The following EPM2A variants were observed in gnomAD, a reference collection of about 807,000 sequenced individuals.
EPM2A encodes the protein laforin.
Under a neutral mutation model 26.5 loss-of-function variants are expected in EPM2A, and 21 were observed. The ratio of observed to expected loss-of-function variants is 0.79; its 90% CI spans 0.56 to 1.14. EPM2A has a LOEUF of 1.14. EPM2A is among the 50% of genes most tolerant of loss of function. The pLI is 0.00. For synonymous variants in EPM2A, 217 were observed against 177.6 expected, an observed-to-expected ratio of 1.22 and a Z score of -1.76; for missense variants, 458 against 440.8, an observed-to-expected ratio of 1.04 and a Z score of -0.35.
At chr6:145,527,158 T>A (rs1318685593) in intron 2 of EPM2A, among the ~76,000 whole-genome samples, 14 of 152,134 alleles carry the variant, frequency 9.2e-5, no homozygotes, top group Admixed American at 9.2e-4. Context: ...ATATTTGGTA[T>A]CATTTTGATT....
chr6:145,584,616 G>A (rs1204115811), intron 2 of EPM2A, among the ~76,000 whole-genome samples: 2 of 152,110 alleles, frequency 1.3e-5, no homozygotes, highest in African/African-American at 4.8e-5. Flanking sequence ...AGTGTCCCTG[G>A]GGGTCATGGG....
intron 4 of EPM2A, among the ~76,000 whole-genome samples, chr6:145,461,542 C>A (rs1004975807): frequency 3.3e-5 from 5 of 152,052 alleles, no homozygotes; most frequent in African/African-American, 1.2e-4. Context: ...GACTAAGCAA[C>A]AACCAGAAAA....
At chr6:145,689,832 C>G (rs1047924985) in intron 1 of EPM2A, among the ~76,000 whole-genome samples, 1 of 152,204 alleles carries the variant, frequency 6.6e-6, no homozygotes, top group Non-Finnish European at 1.5e-5. Context: ...CTGAAACTTT[C>G]AGCATCATCG....
At chr6:145,610,822 T>G (rs1012821904) in intron 2 of EPM2A, among the ~76,000 whole-genome samples, 2 of 152,206 alleles carry the variant, frequency 1.3e-5, no homozygotes, top group Non-Finnish European at 2.9e-5. Flanking sequence ...CACTTTACTT[T>G]TGATGATCAG....
At chr6:145,541,862 G>C (rs906657789) in intron 2 of EPM2A, among the ~76,000 whole-genome samples, 4 of 152,032 alleles carry the variant, frequency 2.6e-5, no homozygotes, top group African/African-American at 9.7e-5. Context: ...GAAAGGCACA[G>C]AAAATTATAT....
chr6:145,550,022 A>T (rs963485675), intron 2 of EPM2A, among the ~76,000 whole-genome samples: 23 of 152,144 alleles, frequency 1.5e-4, no homozygotes, highest in African/African-American at 5.5e-4. Context: ...GTCCAGTAGA[A>T]CCGAAAGTTC....
intron 4 of EPM2A, among the ~76,000 whole-genome samples, chr6:145,484,689 C>T (rs981458534): frequency 5.3e-5 from 8 of 151,858 alleles, no homozygotes; most frequent in South Asian, 2.1e-4. Context: ...AACAAATATG[C>T]GAAAACAAAA....
rs561526036 is a variant in EPM2A at position 145,391,109 on chromosome 6, A to G, written c.556-7012T>C. On this transcript the variant is annotated intron_variant, in intron 4 of 4. Coordinates refer to the EPM2A transcript ENST00000638717. ...CCTCTTTCAGCAAAGGGGACCCCAGAGAAACCTTAAAAACTGAGTGCCCAG... is the reference window on the plus strand; with the variant it reads ...CCTCTTTCAGCAAAGGGGACCCCAGGGAAACCTTAAAAACTGAGTGCCCAG... Among the ~76,000 whole-genome samples the G allele has an allele frequency of 2.0e-5, 3 of 152,320 alleles. No homozygotes were observed. The East Asian group carries it at 5.8e-4, about 29-fold the overall frequency.
intron 4 of EPM2A, among the ~76,000 whole-genome samples, chr6:145,441,511 T>C (rs2114700870): frequency 6.6e-6 from 1 of 152,312 alleles, no homozygotes; most frequent in South Asian, 2.1e-4. Flanking sequence ...GAGTTTTTCT[T>C]TCCTATTGCA....
Position 145,462,459 on chromosome 6 carries a change from T to A in EPM2A, c.555+40063A>T, listed in dbSNP as rs79281062. On this transcript the variant is annotated intron_variant, in intron 4 of 4. Coordinates refer to the EPM2A transcript ENST00000638717. ...ACAGGGAATATCCTTTCATCAATTC[T>A]CAAAAGATTAGGTATTTCTAGCTTA... Among the ~76,000 whole-genome samples, 1,017 of 152,324 alleles carry A rather than the reference T, an allele frequency of 6.7e-3. 4 individuals carry two copies. Among genetic ancestry groups the A allele is most frequent in the Middle Eastern group, 0.017 (5 of 294 alleles).
At chr6:145,683,859 G>A (rs1780728959) in intron 2 of EPM2A, among the ~76,000 whole-genome samples, 1 of 152,036 alleles carries the variant, frequency 6.6e-6, no homozygotes. Context: ...GGAAAATTAT[G>A]ACAGCCATAT....
intron 1 of EPM2A, chr6:145,686,806 T>C (rs1780950994): frequency 6.2e-6 from 1 of 161,634 alleles, no homozygotes; most frequent in East Asian, 1.8e-4. Flanking sequence ...GTAAAACAGT[T>C]ATTATTATTG....
At chr6:145,557,960 C>T (rs1780752683) in intron 2 of EPM2A, among the ~76,000 whole-genome samples, 1 of 152,026 alleles carries the variant, frequency 6.6e-6, no homozygotes, top group Non-Finnish European at 1.5e-5. Context: ...GTTCCCTGAC[C>T]TGCTCTCTAT....
At chr6:145,466,072 A>G (rs1448999562) in intron 4 of EPM2A, among the ~76,000 whole-genome samples, 6 of 152,136 alleles carry the variant, frequency 3.9e-5, no homozygotes, top group South Asian at 4.2e-4. Flanking sequence ...CAGGACATAG[A>G]CATGGGCAAG....
At chr6:145,498,248 A>AAC (rs1779845957), downstream of EPM2A, among the ~76,000 whole-genome samples, 1 of 152,154 alleles carries the variant, frequency 6.6e-6, no homozygotes, top group Non-Finnish European at 1.5e-5. Context: ...ATTGCCAGGG[A>AAC]CTGGCTGGAA....
chr6:145,573,821 TACTGTAAGTCAG>T (rs1333273376), intron 2 of EPM2A, among the ~76,000 whole-genome samples: 2 of 151,662 alleles, frequency 1.3e-5, no homozygotes, highest in Admixed American at 1.3e-4. Context: ...CCGCTGGACT[TACTGTAAGTCAG>T]ACTTGAGCTA....
intron 2 of EPM2A, among the ~76,000 whole-genome samples, chr6:145,659,400 C>T (rs1778525786): frequency 6.6e-6 from 1 of 152,004 alleles, no homozygotes; most frequent in Non-Finnish European, 1.5e-5. Flanking sequence ...TTCTGTACTT[C>T]AACAGTATAA....
intron 4 of EPM2A, chr6:145,489,621 T>C: frequency 8.3e-7 from 1 of 1,204,036 alleles, no homozygotes; most frequent in Non-Finnish European, 1.2e-6. Flanking sequence ...AATATATTCA[T>C]GTGTAATTTC....
At chr6:145,461,359 G>A (rs1779327237) in intron 4 of EPM2A, among the ~76,000 whole-genome samples, 1 of 152,128 alleles carries the variant, frequency 6.6e-6, no homozygotes, top group African/African-American at 2.4e-5. Flanking sequence ...ACAGGCAGTT[G>A]GGAGATTTTC....
Sources: gnomAD v4.1 joint callset for allele counts (sites outside exome capture counted in the v4.1 genomes callset) on GRCh38, gnomAD v4.1.1 for gene constraint, MANE v1.5 for transcripts, NCBI Gene and HGNC (gene_info 2026-07-23, HGNC 2026-07-21) for gene names.